Variants in PARD3B observed in about 807,000 individuals in gnomAD.
The protein encoded by PARD3B is partitioning defective 3 homolog B.
PARD3B carries 103 observed loss-of-function variants against 130.2 expected under a neutral mutation model. The ratio of observed to expected loss-of-function variants is 0.79; its 90% CI spans 0.67 to 0.93. The LOEUF is 0.93. Ranked by LOEUF, PARD3B falls within the 40% of genes least tolerant of loss-of-function variation. The probability of loss-of-function intolerance (pLI) is 0.00; values close to 1 mark genes in which losing one functional copy is unlikely to be tolerated. For synonymous variants in PARD3B, 583 were observed against 553.2 expected (o/e 1.05, Z -0.76); for missense variants, 1,609 against 1,499.2 (o/e 1.07, Z -1.21).
chr2:205,527,421 G>A (rs1039900425), intron 21 of PARD3B, among the ~76,000 whole-genome samples: 1 of 152,160 alleles, frequency 6.6e-6, no homozygotes, highest in African/African-American at 2.4e-5. Context: ...AAAGAGCTTA[G>A]CTCTTACTTC....
chr2:205,351,351 C>A lies in PARD3B; in HGVS notation c.2630+49650C>A, dbSNP rs920365958. On this transcript the variant is annotated intron_variant, in intron 18 of 22. Coordinates refer to ENST00000406610, the MANE Select transcript of PARD3B (RefSeq NM_001302769.2). The surrounding 1 kb of genome is among the most constrained non-coding windows in gnomAD (Gnocchi z 4.2). Reference sequence around the variant, plus strand: ...TAATCCCAGTTGGTTGCATTTTTTTCCTTTTTATCAGTCTAGATAGATTGA... The same window carrying A: ...TAATCCCAGTTGGTTGCATTTTTTTACTTTTTATCAGTCTAGATAGATTGA... Among the ~76,000 whole-genome samples, 10 of 151,982 alleles carry A rather than the reference C, an allele frequency of 6.6e-5. No homozygotes were observed. The highest frequency in any genetic ancestry group is 2.4e-4 in the African/African-American group (10 of 41,384).
At chr2:204,645,951 C>G (rs956993553) in intron 1 of PARD3B, among the ~76,000 whole-genome samples, 2 of 152,052 alleles carry the variant, frequency 1.3e-5, no homozygotes, top group East Asian at 3.9e-4. Context: ...TCTCTTCCTT[C>G]TTGTCTAAGG....
chr2:204,553,122 G>T (rs1297951491), intron 1 of PARD3B, among the ~76,000 whole-genome samples: 2 of 151,988 alleles, frequency 1.3e-5, no homozygotes, highest in East Asian at 1.9e-4. Context: ...ATTCTCAAAA[G>T]AAGATATAGA....
intron 3 of PARD3B, among the ~76,000 whole-genome samples, chr2:204,997,015 A>G (rs1212657953): frequency 6.6e-6 from 1 of 152,012 alleles, no homozygotes; most frequent in Admixed American, 6.6e-5. Context: ...GGTACCTCAG[A>G]TGGAAATGCA....
Position 205,615,835 on chromosome 2 carries a change from C to T in PARD3B, c.*22C>T. The T allele has an allele frequency of 1.9e-6, 3 of 1,579,286 alleles. No individual in the cohort carries two copies. Among genetic ancestry groups the T allele is most frequent in the Non-Finnish European group, 2.6e-6 (3 of 1,157,604 alleles). On this transcript the variant is annotated 3_prime_UTR_variant, in exon 23 of 23. Transcript: ENST00000406610. Reference sequence around the variant, plus strand: ...ATAGCTGAGTGCCACCGAGGCCAGCCCGGTCCAGAAAGGAAGGTGTCTACT... The same window carrying T: ...ATAGCTGAGTGCCACCGAGGCCAGCTCGGTCCAGAAAGGAAGGTGTCTACT...
intron 3 of PARD3B, among the ~76,000 whole-genome samples, chr2:204,995,671 A>G (rs1694109180): frequency 1.2e-5 from 1 of 82,632 alleles, no homozygotes; most frequent in Non-Finnish European, 2.3e-5. Context: ...TATCCTGCAG[A>G]GTGTTTTCCA....
At chr2:205,406,238 C>G (rs1290173256) in intron 19 of PARD3B, among the ~76,000 whole-genome samples, 3 of 152,082 alleles carry the variant, frequency 2.0e-5, no homozygotes, top group African/African-American at 7.2e-5. Context: ...CTTATTCATC[C>G]ATTCATTTAT....
intron 3 of PARD3B, among the ~76,000 whole-genome samples, chr2:205,041,769 A>C (rs1302528107): frequency 6.6e-6 from 1 of 152,140 alleles, no homozygotes; most frequent in Non-Finnish European, 1.5e-5. Context: ...CATACAATTT[A>C]GAACATGTGC....
chr2:204,656,098 A>G (rs922912384), intron 1 of PARD3B, among the ~76,000 whole-genome samples: 1 of 152,080 alleles, frequency 6.6e-6, no homozygotes, highest in Non-Finnish European at 1.5e-5. Flanking sequence ...GAACTGGCAC[A>G]CTATTATTTC....
At chr2:204,844,106 A>G (rs983192966) in intron 2 of PARD3B, among the ~76,000 whole-genome samples, 8 of 152,168 alleles carry the variant, frequency 5.3e-5, no homozygotes, top group Non-Finnish European at 1.0e-4. Flanking sequence ...AAGGATAGAC[A>G]TTGTCTTACC....
intron 18 of PARD3B, among the ~76,000 whole-genome samples, chr2:205,354,020 CTTTTCCTTTTT>C (rs1559693633): frequency 2.6e-5 from 3 of 114,590 alleles, no homozygotes; most frequent in Non-Finnish European, 5.2e-5. Flanking sequence ...TTTTTCTTTT[CTTTTCCTTTTT>C]TTTTTTTTTT....
intron 2 of PARD3B, among the ~76,000 whole-genome samples, chr2:204,929,043 C>T (rs1342468417): frequency 1.3e-5 from 2 of 152,036 alleles, no homozygotes; most frequent in South Asian, 4.1e-4. Context: ...CTCACTAAAC[C>T]ACTACCATCC....
intron 2 of PARD3B, among the ~76,000 whole-genome samples, chr2:204,732,837 A>C (rs1419344900): frequency 2.6e-5 from 4 of 152,158 alleles, no homozygotes; most frequent in Non-Finnish European, 5.9e-5. Flanking sequence ...TTTGGAGAAA[A>C]ATGCCTGATT....
intron 2 of PARD3B, among the ~76,000 whole-genome samples, chr2:204,883,406 T>TATATATATATTATATATATATAAA (rs2046129768): frequency 1.9e-4 from 19 of 101,770 alleles, no homozygotes; most frequent in Admixed American, 1.6e-3. Flanking sequence ...ATATATATAT[T>TATATATATATTATATATATATAAA]ATATATATAT....
intron 18 of PARD3B, among the ~76,000 whole-genome samples, chr2:205,364,446 T>C (rs2044522748): frequency 6.6e-6 from 1 of 152,216 alleles, no homozygotes; most frequent in Admixed American, 6.5e-5. Context: ...GCATTTGTTT[T>C]GCATTTTGAT....
intron 5 of PARD3B, among the ~76,000 whole-genome samples, chr2:205,109,034 A>G (rs1559446564): frequency 1.3e-5 from 2 of 151,740 alleles, no homozygotes; most frequent in South Asian, 2.1e-4. Flanking sequence ...ACCTGTCACA[A>G]CCTTCCCCTT....
intron 18 of PARD3B, among the ~76,000 whole-genome samples, chr2:205,342,452 T>G (rs2043578936): frequency 6.6e-6 from 1 of 152,182 alleles, no homozygotes; most frequent in South Asian, 2.1e-4. Context: ...AAAATAGAGA[T>G]TTCATTTCTT....
intron 1 of PARD3B, among the ~76,000 whole-genome samples, chr2:204,588,708 A>C (rs1314673600): frequency 6.6e-6 from 1 of 152,200 alleles, no homozygotes; most frequent in Non-Finnish European, 1.5e-5. Context: ...AAAATATTCA[A>C]ATTTTCAGAA....
At position 204,627,483 on chromosome 2, in the gene PARD3B, A is replaced by G. The variant is rs568911962; in HGVS notation, c.121-58698A>G. The stretch of plus-strand genomic sequence containing the variant: ...CCAAACTGTTATCAAGTTATAGAAC[A>G]TTAGCATCACTCTAGAAAATTCCCT... On this transcript the variant is annotated intron_variant, in intron 1 of 22. Transcript: ENST00000406610. Among the ~76,000 whole-genome samples the G allele has an allele frequency of 8.5e-5, 13 of 152,332 alleles. No individual in the cohort carries two copies. In the South Asian group the frequency reaches 2.7e-3, roughly 32 times the overall value.
Sources: gnomAD v4.1 joint callset for allele counts (sites outside exome capture counted in the v4.1 genomes callset) on GRCh38, gnomAD v4.1.1 for gene constraint, Gnocchi (gnomAD v3.1) non-coding constraint, MANE v1.5 for transcripts, NCBI Gene and HGNC (gene_info 2026-07-23, HGNC 2026-07-21) for gene names.